Variants in ZFYVE16 observed in about 807,000 individuals in gnomAD.
The protein encoded by ZFYVE16 is zinc finger FYVE-type containing 16, also known as zinc finger FYVE domain-containing protein 16.
Under a neutral mutation model 138.1 loss-of-function variants are expected in ZFYVE16, and 89 were observed. The observed-to-expected ratio is 0.64, with a 90% CI of 0.54 to 0.77. The LOEUF is 0.77. ZFYVE16 is among the 30% of genes least tolerant of loss of function. The pLI, the probability that ZFYVE16 is intolerant of heterozygous loss-of-function variation, is 0.00. For synonymous variants in ZFYVE16, 596 were observed against 618.3 expected (o/e 0.96, Z 0.53); for missense variants, 1,793 against 1,786.7 (o/e 1.00, Z -0.06).
rs1275028381 is a variant in ZFYVE16 at position 80,436,799 on chromosome 5, T to C, written c.114T>C (p.Ser38=). 2 of 1,614,086 alleles carry C rather than the reference T, an allele frequency of 1.2e-6. No individual in the cohort carries two copies. The highest frequency in any genetic ancestry group is 4.5e-5 in the East Asian group (2 of 44,872). ...YLQDVQNAYD[S]NHCSVSSELA... ...AAGATGTACAAAATGCATATGATTC[T>C]AACCACTGCTCAGTTTCTTCAGAGT... is the stretch of plus-strand genomic sequence containing the variant. Residue 38 remains serine (S), a synonymous_variant, in exon 4 of 19, where the codon TCT becomes TCC. Transcript: ENST00000505560.
chr5:80,434,080 G>T, intron 2 of ZFYVE16, 29 bp from the exon 3 acceptor site: 1 of 1,421,680 alleles, frequency 7.0e-7, no homozygotes, highest in Non-Finnish European at 9.8e-7. Context: ...GTAATTAAAT[G>T]AAATATTATT....
At chr5:80,467,025 A>C (rs1370948311) in intron 15 of ZFYVE16, among the ~76,000 whole-genome samples, 1 of 152,168 alleles carries the variant, frequency 6.6e-6, no homozygotes, top group African/African-American at 2.4e-5. Flanking sequence ...ACTATCAGAC[A>C]GTTGTCATTA....
chr5:80,459,324 C>A, intron 14 of ZFYVE16, 90 bp from the exon 15 acceptor site: 1 of 1,034,498 alleles, frequency 9.7e-7, no homozygotes, highest in Non-Finnish European at 1.5e-6. Context: ...TTATTGAGTA[C>A]TTATATGCAT....
chr5:80,454,216 G>A (rs1752274103), intron 11 of ZFYVE16: 1 of 152,006 alleles, frequency 6.6e-6, no homozygotes, highest in African/African-American at 2.4e-5. Flanking sequence ...TTGGGTATGT[G>A]GTGTTTCTTT....
At chr5:80,452,988 T>C (rs1752148810) in intron 11 of ZFYVE16, among the ~76,000 whole-genome samples, 1 of 152,202 alleles carries the variant, frequency 6.6e-6, no homozygotes, top group Non-Finnish European at 1.5e-5. Context: ...AAATAATATA[T>C]TTATTGCATT....
intron 5 of ZFYVE16, among the ~76,000 whole-genome samples, chr5:80,442,769 A>T (rs745570980): frequency 6.6e-6 from 1 of 152,336 alleles, no homozygotes; most frequent in South Asian, 2.1e-4. Flanking sequence ...ATAATGAGAT[A>T]TGATTTATGT....
chr5:80,456,349 G>C, intron 12 of ZFYVE16, 112 bp from the exon 13 acceptor site: 1 of 826,374 alleles, frequency 1.2e-6, no homozygotes, highest in South Asian at 1.9e-5. Flanking sequence ...AGTTTTTCCT[G>C]AGAATGATAT....
chr5:80,422,928 C>A (rs1379830431), intron 1 of ZFYVE16, among the ~76,000 whole-genome samples: 1 of 152,120 alleles, frequency 6.6e-6, no homozygotes, highest in Non-Finnish European at 1.5e-5. Flanking sequence ...CAATTTGGCA[C>A]CATTTTCTTG....
rs1208947249 is a variant in ZFYVE16 at position 80,440,050 on chromosome 5, A to G, written c.2419+18A>G. On this transcript the variant is annotated intron_variant, in intron 5 of 18. Transcript: ENST00000505560. ...TAGTAAAGGTGAGTATTAACTTGATATATTTTCTTCCAGTAATTGAATATA... is the reference window on the plus strand; with the variant it reads ...TAGTAAAGGTGAGTATTAACTTGATGTATTTTCTTCCAGTAATTGAATATA... 1.3e-6 allele frequency: 2 copies of G among 1,573,310 alleles called. No individual in the cohort carries two copies. Among genetic ancestry groups the G allele is most frequent in the African/African-American group, 1.4e-5 (1 of 73,136 alleles).
At chr5:80,408,736 T>C (rs1300490943) in intron 1 of ZFYVE16, among the ~76,000 whole-genome samples, 1 of 152,252 alleles carries the variant, frequency 6.6e-6, no homozygotes, top group Non-Finnish European at 1.5e-5. Context: ...TATTTTTAAC[T>C]CTTATTTGTA....
intron 15 of ZFYVE16, among the ~76,000 whole-genome samples, chr5:80,460,717 G>T (rs150529974): frequency 6.6e-6 from 1 of 152,234 alleles, no homozygotes; most frequent in East Asian, 1.9e-4. Flanking sequence ...ATTTGCACAA[G>T]AATCCATTTC....
intron 15 of ZFYVE16, among the ~76,000 whole-genome samples, chr5:80,463,049 C>T (rs1753301607): frequency 6.6e-6 from 1 of 152,230 alleles, no homozygotes; most frequent in African/African-American, 2.4e-5. Flanking sequence ...TTGTCTGGCA[C>T]TTTTCCAAGC....
chr5:80,418,671 C>A (rs1097309), intron 1 of ZFYVE16, among the ~76,000 whole-genome samples: 2 of 151,930 alleles, frequency 1.3e-5, no homozygotes, highest in Admixed American at 6.6e-5. Flanking sequence ...GATACAAGTC[C>A]TTAATCAGAT....
At chr5:80,462,452 A>G (rs1022019350) in intron 15 of ZFYVE16, among the ~76,000 whole-genome samples, 2 of 152,198 alleles carry the variant, frequency 1.3e-5, no homozygotes, top group African/African-American at 2.4e-5. Context: ...TTAGAACAGC[A>G]TGGGGGAAAC....
rs1333507988 is a variant in ZFYVE16 at position 80,478,485 on chromosome 5, TCTTTA to T, written c.*1112_*1116del. The T allele has an allele frequency of 1.3e-5, 2 of 152,136 alleles. No homozygotes were observed. The highest frequency in any genetic ancestry group is 2.4e-5 in the African/African-American group (1 of 41,468). The allele number at this position is 152,136 out of a possible 1,614,324, so 9.4% of individuals were successfully genotyped here. A position where few individuals can be genotyped will look rare whatever the true frequency, so the allele number is the denominator to read the frequency against. On this transcript the variant is annotated 3_prime_UTR_variant, in exon 19 of 19. Transcript: ENST00000505560. The stretch of plus-strand genomic sequence containing the variant: ...ATTTGAAATTGTTACAGAGCTTTCC[TCTTTA>T]CTTCAAACAGCAAAAAAGTGGGGGG...
Position 80,442,948 on chromosome 5 carries a change from A to G in ZFYVE16, c.2420-175A>G. The G allele has an allele frequency of 5.3e-6, 3 of 564,494 alleles. No individual in the cohort carries two copies. The East Asian group carries it at 1.0e-4, about 19-fold the overall frequency. The allele number at this position is 564,494 out of a possible 1,614,324, so 35.0% of individuals were successfully genotyped here. On this transcript the variant is annotated intron_variant, in intron 5 of 18. Transcript: ENST00000505560. ...ATCAAAGTGGCATGCTGCCAACTAAAGAGCCTGTGCTGGCTACTCAGACAG... is the reference window on the plus strand; with the variant it reads ...ATCAAAGTGGCATGCTGCCAACTAAGGAGCCTGTGCTGGCTACTCAGACAG...
At chr5:80,465,500 G>C (rs969191122) in intron 15 of ZFYVE16, among the ~76,000 whole-genome samples, 12 of 135,656 alleles carry the variant, frequency 8.8e-5, no homozygotes, top group African/African-American at 3.2e-4. Context: ...TTGACTCTTG[G>C]GTTCAAACGA....
At position 80,437,516 on chromosome 5, in the gene ZFYVE16, A is replaced by G. The variant is rs1750103761; in HGVS notation, c.831A>G (p.Leu277=). 1 of 1,613,470 alleles carries G rather than the reference A, an allele frequency of 6.2e-7. No individual in the cohort carries two copies. Among genetic ancestry groups the G allele is most frequent in the African/African-American group, 1.3e-5 (1 of 75,032 alleles). The change falls in exon 4 of 19, where the codon TTA becomes TTG. Residue 277 remains leucine (L), a synonymous_variant. Coordinates refer to ENST00000505560, the MANE Select transcript of ZFYVE16 (RefSeq NM_001284236.3). The part of the protein sequence containing the change: ...QPCGLLKDVG[L]VKEEVDVAVI... The stretch of plus-strand genomic sequence containing the variant: ...GTGGATTACTAAAAGATGTTGGCTT[A>G]GTAAAAGAGGAAGTAGATGTGGCAG...
In ZFYVE16 at chr5:80,438,790, A is replaced by G; in HGVS notation, c.2105A>G (p.Asn702Ser). ...ACAGCTGATCCACAGGTTAGCTTCA[A>G]CTCTAATTACATTGATATAGAAAGT... is the stretch of plus-strand genomic sequence containing the variant. ...DSTADPQVSF[N>S]SNYIDIESNS... Residue 702 changes from asparagine to serine, a missense_variant, in exon 4 of 19, where the codon AAC becomes AGC. Asn to Ser is a conservative substitution (Grantham distance 46, BLOSUM62 1). This residue lies in a region of ZFYVE16 where 1,295 missense variants were observed against 1,204.3 expected (regional missense o/e 1.08). Transcript: ENST00000505560. 6 of 1,614,080 alleles carry G rather than the reference A, an allele frequency of 3.7e-6. No individual in the cohort carries two copies. The highest frequency in any genetic ancestry group is 5.1e-6 in the Non-Finnish European group (6 of 1,179,970).
Sources: gnomAD v4.1 joint callset for allele counts (sites outside exome capture counted in the v4.1 genomes callset) on GRCh38, gnomAD v4.1.1 for gene constraint, gnomAD v4.1.1 regional missense constraint, MANE v1.5 for transcripts, NCBI Gene and HGNC (gene_info 2026-07-23, HGNC 2026-07-21) for gene names.